MBTPS1: variants seen among roughly 807,000 people sequenced by gnomAD.
MBTPS1 encodes the protein membrane-bound transcription factor site-1 protease.
A neutral mutation model predicts 127.8 loss-of-function variants in MBTPS1; 94 were observed. That is an observed-to-expected ratio of 0.74 (90% CI 0.62 to 0.87). The LOEUF (loss-of-function observed/expected upper bound fraction) is 0.87, where lower values mean the gene tolerates loss of function less well. MBTPS1 is among the 40% of genes least tolerant of loss of function. The probability of loss-of-function intolerance (pLI) is 0.00; values close to 1 mark genes in which losing one functional copy is unlikely to be tolerated. For synonymous variants in MBTPS1, 632 were observed against 509.4 expected (o/e 1.24, Z -3.24); for missense variants, 1,636 against 1,353.2 (o/e 1.21, Z -3.28).
chr16:84,112,468 G>A (rs780980777), intron 1 of MBTPS1, among the ~76,000 whole-genome samples: 1 of 151,646 alleles, frequency 6.6e-6, no homozygotes, highest in South Asian at 2.1e-4. Context: ...GACCATCCTG[G>A]CTAACACACT....
intron 6 of MBTPS1, 114 bp downstream of exon 6, chr16:84,093,074 G>T (rs1031766140): frequency 5.4e-6 from 4 of 747,038 alleles, no homozygotes; most frequent in Non-Finnish European, 7.1e-6. Flanking sequence ...CAGTATGAAT[G>T]GCTCAGCGTC....
In MBTPS1 at chr16:84,108,453, A is replaced by G. The variant is rs190159629; in HGVS notation, c.-324-6346T>C. Among the ~76,000 whole-genome samples, 315 of 152,298 alleles carry G rather than the reference A, an allele frequency of 2.1e-3. 1 individual carries two copies. The highest frequency in any genetic ancestry group is 7.4e-3 in the African/African-American group (309 of 41,560). On this transcript the variant is annotated intron_variant, in intron 1 of 22. Coordinates refer to ENST00000343411, the MANE Select transcript of MBTPS1 (RefSeq NM_003791.4). ...TAATTTTTGTATTTTTAGTAGAGAC[A>G]GGATTTTGCCATGCTGGCCAGGCTG...
chr16:84,085,242 T>A, intron 9 of MBTPS1, 108 bp from the exon 10 acceptor site: 1 of 1,122,262 alleles, frequency 8.9e-7, no homozygotes, highest in Non-Finnish European at 1.3e-6. Context: ...TTAAAAACTG[T>A]ATAACCTTAG....
In MBTPS1 at chr16:84,069,914, C is replaced by G. The variant is rs777162804; in HGVS notation, c.1907G>C (p.Gly636Ala). 8 of 1,614,082 alleles carry G rather than the reference C, an allele frequency of 5.0e-6. No individual in the cohort carries two copies. The highest frequency in any genetic ancestry group is 1.3e-5 in the African/African-American group (1 of 75,012). ...CCTTAAATTATCCCTGGGGAAATAG[C>G]CAGGTGGATAGCGGAGGTTGTGGTA... Reference protein sequence around the residue: ...DQYHNLRYPPGYFPRDNLRMK... With the variant: ...DQYHNLRYPPAYFPRDNLRMK... Residue 636 changes from glycine to alanine, a missense_variant, in exon 14 of 23, where the codon GGC (glycine) becomes GCC (alanine). Gly to Ala is a moderately conservative substitution (Grantham distance 60, BLOSUM62 0). Transcript: ENST00000343411.
intron 19 of MBTPS1, among the ~76,000 whole-genome samples, chr16:84,063,072 GA>G (rs1349765190): frequency 1.3e-5 from 2 of 152,276 alleles, no homozygotes; most frequent in Non-Finnish European, 2.9e-5. Context: ...AGATGGAGAA[GA>G]GGCATCATGG....
At chr16:84,114,774 G>A (rs1482439350) in intron 1 of MBTPS1, among the ~76,000 whole-genome samples, 2 of 144,486 alleles carry the variant, frequency 1.4e-5, no homozygotes, top group African/African-American at 2.7e-5. Context: ...AAGTTGCAGT[G>A]AGCCGAGATC....
intron 11 of MBTPS1, among the ~76,000 whole-genome samples, chr16:84,077,234 GAAAA>G (rs1191331764): frequency 4.0e-5 from 4 of 100,276 alleles, no homozygotes; most frequent in Non-Finnish European, 6.0e-5. Flanking sequence ...CATTAAAAAA[GAAAA>G]AAAAAAAAAA....
intron 12 of MBTPS1, among the ~76,000 whole-genome samples, chr16:84,072,296 T>C (rs1468083828): frequency 6.6e-6 from 1 of 151,920 alleles, no homozygotes; most frequent in Non-Finnish European, 1.5e-5. Context: ...AGCAGGCTGG[T>C]TGCCAAGGGC....
At chr16:84,091,380 G>A (rs1000813079) in intron 7 of MBTPS1, among the ~76,000 whole-genome samples, 23 of 151,688 alleles carry the variant, frequency 1.5e-4, no homozygotes, top group African/African-American at 4.6e-4. Context: ...CGGCTACTTG[G>A]GAGGCTGAGG....
rs1483506640 is a variant in MBTPS1 at position 84,091,516 on chromosome 16, G to T, written c.963+216C>A. ...AAAAAAAAAAAAAAAAAATCAGCAA[G>T]GCACCATGTGCTCCTTATCAACACC... On this transcript the variant is annotated intron_variant, in intron 7 of 22. Coordinates refer to ENST00000343411, the MANE Select transcript of MBTPS1 (RefSeq NM_003791.4). 2.7e-5 allele frequency among the ~76,000 whole-genome samples: 4 copies of T among 149,622 alleles called. No homozygotes were observed. The East Asian group carries it at 7.8e-4, about 29-fold the overall frequency.
intron 1 of MBTPS1, among the ~76,000 whole-genome samples, chr16:84,116,325 G>C (rs1169994287): frequency 1.3e-5 from 2 of 152,186 alleles, no homozygotes; most frequent in Non-Finnish European, 2.9e-5. Context: ...CAGAATCCCC[G>C]CATTTCCAAA....
intron 14 of MBTPS1, among the ~76,000 whole-genome samples, chr16:84,068,708 CAA>C (rs1353333940): frequency 6.6e-6 from 1 of 152,194 alleles, no homozygotes; most frequent in Non-Finnish European, 1.5e-5. Context: ...AAGAAATGGC[CAA>C]AGACATGTTT....
chr16:84,070,259 A>T (rs2085750815), intron 13 of MBTPS1, among the ~76,000 whole-genome samples: 1 of 152,206 alleles, frequency 6.6e-6, no homozygotes, highest in South Asian at 2.1e-4. Flanking sequence ...ATCAATAAAA[A>T]CTACTAGAGC....
At chr16:84,079,124 G>A (rs2085901606) in intron 11 of MBTPS1, among the ~76,000 whole-genome samples, 2 of 152,150 alleles carry the variant, frequency 1.3e-5, no homozygotes, top group African/African-American at 2.4e-5. Flanking sequence ...GGACCTCCCC[G>A]CTCTCTTGCT....
intron 1 of MBTPS1, among the ~76,000 whole-genome samples, chr16:84,114,870 C>G (rs1165767740): frequency 6.7e-6 from 1 of 149,694 alleles, no homozygotes; most frequent in African/African-American, 2.5e-5. Context: ...AAGCAGAATT[C>G]CGCAGCACTG....
intron 10 of MBTPS1, among the ~76,000 whole-genome samples, chr16:84,084,022 C>T (rs536946752): frequency 1.3e-5 from 2 of 152,306 alleles, no homozygotes; most frequent in South Asian, 2.1e-4. Flanking sequence ...TGCAGTGGCA[C>T]GATCTCAGTT....
At chr16:84,070,090 T>A in intron 13 of MBTPS1, 52 bp from the exon 14 acceptor site, 1 of 1,464,664 alleles carries the variant, frequency 6.8e-7, no homozygotes, top group East Asian at 2.3e-5. Flanking sequence ...AGAAAGAAAC[T>A]TTCAGGTTTG....
rs995643955 is a variant in MBTPS1 at position 84,067,548 on chromosome 16, G to C, written c.2228+119C>G. ...GGCTTTTTTTCTAATCAAGCTCTCTGAATGTGTCTGTGCCAACTGGAAAGA... is the reference window on the plus strand; with the variant it reads ...GGCTTTTTTTCTAATCAAGCTCTCTCAATGTGTCTGTGCCAACTGGAAAGA... On this transcript the variant is annotated intron_variant, in intron 16 of 22. Transcript: ENST00000343411. The C allele has an allele frequency of 5.0e-5, 40 of 804,340 alleles. No homozygotes were observed. The African/African-American group carries it at 6.7e-4, about 13-fold the overall frequency. The allele number at this position is 804,340 out of a possible 1,614,324, so 49.8% of individuals were successfully genotyped here.
At chr16:84,069,674 C>T (rs933289311) in intron 14 of MBTPS1, among the ~76,000 whole-genome samples, 192 bp downstream of exon 14, 1 of 152,216 alleles carries the variant, frequency 6.6e-6, no homozygotes. Flanking sequence ...ACTGCATAAT[C>T]ATACTTGTGA....
Sources: gnomAD v4.1 joint callset for allele counts (sites outside exome capture counted in the v4.1 genomes callset) on GRCh38, gnomAD v4.1.1 for gene constraint, MANE v1.5 for transcripts, NCBI Gene and HGNC (gene_info 2026-07-23, HGNC 2026-07-21) for gene names.